The following DENND1B variants were observed in gnomAD, a reference collection of about 807,000 sequenced individuals.
The protein encoded by DENND1B is DENN domain-containing protein 1B.
In DENND1B, 59 loss-of-function variants were observed where a neutral mutation model predicts 90.1. That is an observed-to-expected ratio of 0.65 (90% CI 0.53 to 0.81). The LOEUF (loss-of-function observed/expected upper bound fraction) is 0.81. Ranked by LOEUF, DENND1B falls within the 40% of genes least tolerant of loss-of-function variation. DENND1B has a pLI of 0.00. For synonymous variants in DENND1B, 337 were observed against 324.6 expected (o/e 1.04, Z -0.41); for missense variants, 862 against 912.6 (o/e 0.94, Z 0.71).
At chr1:197,640,837 CG>C (rs1374878297) in intron 10 of DENND1B, among the ~76,000 whole-genome samples, 8 of 152,206 alleles carry the variant, frequency 5.3e-5, no homozygotes, top group Non-Finnish European at 1.0e-4. Context: ...TTGGGCACAG[CG>C]GCGTGTGCCT....
Position 197,747,285 on chromosome 1 carries a change from A to G in DENND1B, c.82+25583T>C, listed in dbSNP as rs1652830452. 4 of 612,432 alleles carry G rather than the reference A, an allele frequency of 6.5e-6. No homozygotes were observed. In the East Asian group the frequency reaches 1.0e-4, roughly 16 times the overall value. 37.9% of individuals were successfully genotyped at this position (612,432 alleles called of 1,614,324 possible). On this transcript the variant is annotated intron_variant, in intron 2 of 22. Coordinates refer to ENST00000620048, the MANE Select transcript of DENND1B (RefSeq NM_001195215.2). ...AGGCATTTACATTCGACTCTGTTTC[A>G]GTTTTGGGTTCATCTATCGAGAATC...
intron 2 of DENND1B, among the ~76,000 whole-genome samples, chr1:197,750,542 G>A (rs1653331248): frequency 6.6e-6 from 1 of 151,360 alleles, no homozygotes; most frequent in South Asian, 2.1e-4. Context: ...TAAAGGCAAT[G>A]ATTGTTAGAC....
chr1:197,515,057 T>C (rs1227015992), intron 20 of DENND1B, among the ~76,000 whole-genome samples: 1 of 151,660 alleles, frequency 6.6e-6, no homozygotes, highest in Non-Finnish European at 1.5e-5. Flanking sequence ...TGCCTTCTGA[T>C]TTTGAGTTCC....
chr1:197,647,446 A>C (rs1360163995), intron 7 of DENND1B, among the ~76,000 whole-genome samples: 2 of 152,180 alleles, frequency 1.3e-5, no homozygotes, highest in Non-Finnish European at 2.9e-5. Context: ...GTACAGGAAC[A>C]AAAACTTACA....
At chr1:197,740,256 A>G (rs2102361145) in intron 2 of DENND1B, among the ~76,000 whole-genome samples, 1 of 152,304 alleles carries the variant, frequency 6.6e-6, no homozygotes, top group South Asian at 2.1e-4. Context: ...ATGTTGTTCC[A>G]GGGATAGCAA....
intron 15 of DENND1B, among the ~76,000 whole-genome samples, chr1:197,577,083 C>A (rs917541710): frequency 6.6e-6 from 1 of 151,428 alleles, no homozygotes; most frequent in African/African-American, 2.4e-5. Flanking sequence ...AATATAGGCA[C>A]AGAAAAAAAG....
rs1450998579 is a variant in DENND1B at position 197,617,861 on chromosome 1, T to A, written c.673-102A>T. On this transcript the variant is annotated intron_variant, in intron 10 of 22. Coordinates refer to ENST00000620048, the MANE Select transcript of DENND1B (RefSeq NM_001195215.2). ...AATGAACAGTAATCACAGAACAATT[T>A]ACATAACTACATAAATCACATTGTC... 3 of 743,210 alleles carry A rather than the reference T, an allele frequency of 4.0e-6. No individual in the cohort carries two copies. The East Asian group carries it at 8.1e-5, about 20-fold the overall frequency. The allele number at this position is 743,210 out of a possible 1,614,324, so 46.0% of individuals were successfully genotyped here. A position where few individuals can be genotyped will look rare whatever the true frequency, so the allele number is the denominator to read the frequency against.
At chr1:197,524,976 C>T (rs559695486) in intron 20 of DENND1B, among the ~76,000 whole-genome samples, 2 of 152,170 alleles carry the variant, frequency 1.3e-5, no homozygotes, top group African/African-American at 2.4e-5. Flanking sequence ...CCCAGAAACA[C>T]AGTAGTTTAT....
At chr1:197,694,487 AT>A (rs1230504583) in intron 3 of DENND1B, among the ~76,000 whole-genome samples, 1 of 151,384 alleles carries the variant, frequency 6.6e-6, no homozygotes, top group East Asian at 1.9e-4. Flanking sequence ...TTTTCATGTC[AT>A]GTTATATTTA....
chr1:197,735,856 G>A lies in DENND1B; in HGVS notation c.83-20782C>T, dbSNP rs528595144. ...GAAATTCAAAAGAAAAGAACTTGCCGAGCAGTCAAATTGCAGGGGGCTATT... is the reference window on the plus strand; with the variant it reads ...GAAATTCAAAAGAAAAGAACTTGCCAAGCAGTCAAATTGCAGGGGGCTATT... On this transcript the variant is annotated intron_variant, in intron 2 of 22. Transcript: ENST00000620048. 7.5e-6 allele frequency: 12 copies of A among 1,595,702 alleles called. No homozygotes were observed. The East Asian group carries it at 1.8e-4, about 24-fold the overall frequency.
At chr1:197,632,786 C>G (rs940754343) in intron 10 of DENND1B, among the ~76,000 whole-genome samples, 17 of 152,100 alleles carry the variant, frequency 1.1e-4, no homozygotes, top group African/African-American at 4.1e-4. Flanking sequence ...ACTTGGCTAA[C>G]TGGGGTACCA....
At chr1:197,757,068 T>C (rs1452587707) in intron 2 of DENND1B, among the ~76,000 whole-genome samples, 1 of 151,646 alleles carries the variant, frequency 6.6e-6, no homozygotes, top group African/African-American at 2.4e-5. Flanking sequence ...TTCTTGCAAG[T>C]TACAAAAGAG....
intron 16 of DENND1B, chr1:197,552,289 T>A (rs1360119109): frequency 2.0e-6 from 2 of 979,864 alleles, no homozygotes; most frequent in African/African-American, 3.5e-5. Context: ...TTAGTACACT[T>A]AATATTTAGA....
At chr1:197,757,073 A>T (rs902462059) in intron 2 of DENND1B, among the ~76,000 whole-genome samples, 2 of 151,792 alleles carry the variant, frequency 1.3e-5, no homozygotes, top group East Asian at 3.9e-4. Flanking sequence ...GCAAGTTACA[A>T]AAGAGATGTA....
Position 197,553,077 on chromosome 1 carries a change from T to G in DENND1B, c.1185A>C (p.Gly395=). 6.5e-7 allele frequency: 1 copy of G among 1,546,942 alleles called. No individual in the cohort carries two copies. Among genetic ancestry groups the G allele is most frequent in the Non-Finnish European group, 8.7e-7 (1 of 1,153,786 alleles). ...IDGRLAKLNA[G]RGFSDVFEEE... ...CTTCAAATACATCAGAGAAACCCCT[T>G]CCTGCATTTAGTTTTGCCAGTCGAC... Residue 395 remains glycine, a synonymous_variant, in exon 16 of 23, where the codon GGA becomes GGC. Transcript: ENST00000620048.
chr1:197,775,190 C>A lies in DENND1B; in HGVS notation c.-35G>T. ...TCGGTGTGGGGCTGTCCGTCCGGCC[C>A]CCGCGCGCTGGCCTGGAAGCCCGCA... is the stretch of plus-strand genomic sequence containing the variant. On this transcript the variant is annotated 5_prime_UTR_variant, in exon 1 of 23. Transcript: ENST00000620048. 1 of 1,264,418 alleles carries A rather than the reference C, an allele frequency of 7.9e-7. No homozygotes were observed. 78.3% of individuals were successfully genotyped at this position (1,264,418 alleles called of 1,614,324 possible).
intron 7 of DENND1B, among the ~76,000 whole-genome samples, chr1:197,651,473 T>G (rs1405517591): frequency 6.6e-6 from 1 of 152,048 alleles, no homozygotes; most frequent in South Asian, 2.1e-4. Flanking sequence ...AGAAGACATA[T>G]TACTGTATAG....
At chr1:197,613,547 T>C (rs888232722) in intron 11 of DENND1B, among the ~76,000 whole-genome samples, 15 of 150,824 alleles carry the variant, frequency 9.9e-5, no homozygotes, top group Non-Finnish European at 2.1e-4. Context: ...ACAGATTTTC[T>C]ACCTTCAAAA....
chr1:197,612,042 T>A, intron 11 of DENND1B, 66 bp from the exon 12 acceptor site: 1 of 1,249,624 alleles, frequency 8.0e-7, no homozygotes, highest in Non-Finnish European at 1.1e-6. Flanking sequence ...ACAGTATAAG[T>A]AATTCAAAAT....
Sources: allele counts gnomAD v4.1 joint callset (sites outside exome capture counted in the v4.1 genomes callset), GRCh38; gene constraint gnomAD v4.1.1; transcripts MANE v1.5; gene names NCBI Gene and HGNC (gene_info 2026-07-23, HGNC 2026-07-21).